Variants in PDE4A observed in about 807,000 individuals in gnomAD.
PDE4A encodes phosphodiesterase 4A, also known as 3',5'-cyclic-AMP phosphodiesterase 4A.
PDE4A carries 21 observed loss-of-function variants against 73.9 expected under a neutral mutation model. That is an observed-to-expected ratio of 0.28 (90% CI 0.20 to 0.41). The LOEUF (loss-of-function observed/expected upper bound fraction) is 0.41, where lower values mean the gene tolerates loss of function less well. PDE4A is among the 10% of genes least tolerant of loss of function. PDE4A has a pLI of 1.00. For synonymous variants in PDE4A, 463 were observed against 505.4 expected, an observed-to-expected ratio of 0.92 and a Z score of 1.13; for missense variants, 958 against 1,211.4, an observed-to-expected ratio of 0.79 and a Z score of 3.10.
intron 13 of PDE4A, among the ~76,000 whole-genome samples, chr19:10,463,532 C>T (rs904532586): frequency 6.6e-6 from 1 of 151,374 alleles, no homozygotes; most frequent in African/African-American, 2.4e-5. Flanking sequence ...CCCACTATAG[C>T]TGGGATTACA....
At chr19:10,425,574 A>G (rs1366369334) in intron 1 of PDE4A, among the ~76,000 whole-genome samples, 1 of 152,244 alleles carries the variant, frequency 6.6e-6, no homozygotes, top group Non-Finnish European at 1.5e-5. Context: ...GATTGACTGC[A>G]GGCTCTTATG....
At chr19:10,432,476 T>C in intron 1 of PDE4A, 1 of 1,501,300 alleles carries the variant, frequency 6.7e-7, no homozygotes, top group Non-Finnish European at 8.9e-7. Context: ...CCCGGCCCCC[T>C]GCCCTGGCAC....
In PDE4A at chr19:10,453,458, C is replaced by A; in HGVS notation, c.784-1371C>A. ...CCTTGTGACTGTCTCTGTGTGTGGC[C>A]CAGGGCTGGGCGTGGATGGCGGGCA... is the stretch of plus-strand genomic sequence containing the variant. On this transcript the variant is annotated intron_variant, in intron 6 of 14. Transcript: ENST00000380702. This position sits in a 1 kb window ranked among gnomAD's most constrained non-coding sequence, Gnocchi z 4.6. 8.2e-7 allele frequency: 1 copy of A among 1,217,342 alleles called. No individual in the cohort carries two copies. Among genetic ancestry groups the A allele is most frequent in the South Asian group, 1.6e-5 (1 of 62,008 alleles). 75.4% of individuals were successfully genotyped at this position (1,217,342 alleles called of 1,614,324 possible).
In PDE4A at chr19:10,469,524, G is replaced by A. The variant is rs201421516; in HGVS notation, c.*1903G>A. 7 of 152,330 alleles carry A rather than the reference G, an allele frequency of 4.6e-5. No individual in the cohort carries two copies. Among genetic ancestry groups the A allele is most frequent in the African/African-American group, 1.7e-4 (7 of 41,426 alleles). 9.4% of individuals were successfully genotyped at this position (152,330 alleles called of 1,614,324 possible). A position where few individuals can be genotyped will look rare whatever the true frequency, so the allele number is the denominator to read the frequency against. On this transcript the variant is annotated 3_prime_UTR_variant, in exon 15 of 15. Coordinates refer to ENST00000380702, the MANE Select transcript of PDE4A (RefSeq NM_001111307.2). ...GCTCCTCTCCCCAGGGTGAGCACAG[G>A]ACCTCTGTAAGCTGCTTGTGTATTG...
At chr19:10,466,059 A>G (rs1449995046) in intron 14 of PDE4A, among the ~76,000 whole-genome samples, 2 of 148,742 alleles carry the variant, frequency 1.3e-5, no homozygotes, top group Non-Finnish European at 3.0e-5. Flanking sequence ...CTGGAGTGCA[A>G]TGGCACAATC....
chr19:10,444,197 A>G (rs956689720), intron 1 of PDE4A, among the ~76,000 whole-genome samples: 3 of 151,768 alleles, frequency 2.0e-5, no homozygotes, highest in Non-Finnish European at 4.4e-5. Flanking sequence ...CCTGACCAAC[A>G]TGGAGAAACC....
Position 10,461,978 on chromosome 19 carries a change from T to C in PDE4A, c.1722T>C (p.Asp574=), listed in dbSNP as rs995064267. ...KVTSSGVLLL[D]NYSDRIQVLR... ...CCAGCTCAGGGGTCCTCCTGCTAGA[T>C]AACTACTCCGACCGCATCCAGGTGC... Residue 574 remains aspartate, a synonymous_variant, in exon 13 of 15, where the codon GAT becomes GAC. Coordinates refer to ENST00000380702, the MANE Select transcript of PDE4A (RefSeq NM_001111307.2). The C allele has an allele frequency of 6.2e-7, 1 of 1,613,794 alleles. No individual in the cohort carries two copies. Among genetic ancestry groups the C allele is most frequent in the Middle Eastern group, 1.7e-4 (1 of 6,058 alleles).
rs756550047 is a variant in PDE4A, at chr19:10,467,604, G to T, written c.2644G>T (p.Gly882Cys). ...ALPAPGGGGS[G>C]GDPT ...CCCAGCTCCTGGTGGCGGGGGGTCA[G>T]GTGGAGACCCTACCTGATCCCCAGA... is the stretch of plus-strand genomic sequence containing the variant. The change falls in exon 15 of 15, where the codon GGT becomes TGT. Residue 882 changes from glycine (G) to cysteine (C), a missense_variant. Gly to Cys is a radical substitution (Grantham distance 159, BLOSUM62 -3). This residue lies in a region of PDE4A where 243 missense variants were observed against 245.9 expected (regional missense o/e 0.99). Transcript: ENST00000380702. The T allele has an allele frequency of 5.1e-6, 8 of 1,573,766 alleles. No individual in the cohort carries two copies.
intron 1 of PDE4A, among the ~76,000 whole-genome samples, chr19:10,435,001 C>T (rs2042845899): frequency 6.6e-6 from 1 of 151,448 alleles, no homozygotes; most frequent in South Asian, 2.1e-4. Context: ...AGCGATGCTC[C>T]AACAGGCATG....
upstream of PDE4A, among the ~76,000 whole-genome samples, chr19:10,419,889 C>T (rs745672106): frequency 1.3e-5 from 2 of 152,208 alleles, no homozygotes; most frequent in African/African-American, 2.4e-5. Context: ...ACATCCTTCA[C>T]CCACAGACAC....
chr19:10,429,178 G>T (rs1036892201), intron 1 of PDE4A, among the ~76,000 whole-genome samples: 5 of 149,706 alleles, frequency 3.3e-5, no homozygotes, highest in African/African-American at 1.2e-4. Flanking sequence ...AGGAAGAAAT[G>T]AAGGAAGGAA....
upstream of PDE4A, chr19:10,418,888 AGT>A: frequency 1.0e-6 from 1 of 983,856 alleles, no homozygotes; most frequent in Non-Finnish European, 1.2e-6. Context: ...AGCCGTTTTG[AGT>A]GTGTAATGGG....
At chr19:10,440,234 C>T (rs1017175318) in intron 1 of PDE4A, among the ~76,000 whole-genome samples, 1 of 151,960 alleles carries the variant, frequency 6.6e-6, no homozygotes, top group Non-Finnish European at 1.5e-5. Context: ...ATTCACCCAC[C>T]TTGCCTCCCA....
At chr19:10,446,907 TTTTTGAGACGGAGTGTC>T (rs2043014142) in intron 2 of PDE4A, among the ~76,000 whole-genome samples, 1 of 148,802 alleles carries the variant, frequency 6.7e-6, no homozygotes, top group South Asian at 2.1e-4. Flanking sequence ...GTTCCTTTTT[TTTTTGAGACGGAGTGTC>T]TCTCTGTTGT....
chr19:10,425,348 C>T (rs878910699), intron 1 of PDE4A, among the ~76,000 whole-genome samples: 1 of 152,206 alleles, frequency 6.6e-6, no homozygotes, highest in Admixed American at 6.5e-5. Flanking sequence ...CTCTCGGAGC[C>T]TCAGTTTCCT....
Position 10,461,493 on chromosome 19 carries a change from G to C in PDE4A, c.1466-33G>C, listed in dbSNP as rs200372524. 9 of 1,609,396 alleles carry C rather than the reference G, an allele frequency of 5.6e-6. No individual in the cohort carries two copies. In the South Asian group the frequency reaches 9.9e-5, roughly 18 times the overall value. On this transcript the variant is annotated intron_variant, in intron 11 of 14. Transcript: ENST00000380702. Reference sequence around the variant, plus strand: ...CTCCTGCGGTTGGAGCTGCACACGTGGGCCCTCCCCTGACCTCCGGGCTGG... The same window carrying C: ...CTCCTGCGGTTGGAGCTGCACACGTCGGCCCTCCCCTGACCTCCGGGCTGG...
chr19:10,465,202 G>A (rs2043344338), intron 14 of PDE4A, among the ~76,000 whole-genome samples: 2 of 151,470 alleles, frequency 1.3e-5, no homozygotes, highest in African/African-American at 4.9e-5. Flanking sequence ...CCCACTAGAT[G>A]CCAGAAGTAT....
intron 7 of PDE4A, 106 bp from the exon 8 acceptor site, chr19:10,457,773 C>CGTTTCG: frequency 6.6e-7 from 1 of 1,524,112 alleles, no homozygotes; most frequent in African/African-American, 1.4e-5. Flanking sequence ...AGGGTTCTGC[C>CGTTTCG]GTTTCGGGTG....
intron 1 of PDE4A, chr19:10,431,082 G>T (rs2042782868): frequency 1.9e-6 from 3 of 1,551,572 alleles, no homozygotes; most frequent in Non-Finnish European, 1.7e-6. Flanking sequence ...TTGGGCTGGG[G>T]CTGGGTAAGT....
Sources: gnomAD v4.1 joint callset for allele counts (sites outside exome capture counted in the v4.1 genomes callset) on GRCh38, gnomAD v4.1.1 for gene constraint, gnomAD v4.1.1 regional missense constraint, Gnocchi (gnomAD v3.1) non-coding constraint, MANE v1.5 for transcripts, NCBI Gene and HGNC (gene_info 2026-07-23, HGNC 2026-07-21) for gene names.